Variants in SRP72 observed in about 807,000 individuals in gnomAD.
SRP72 encodes the protein signal recognition particle 72.
Under a neutral mutation model 96.3 loss-of-function variants are expected in SRP72, and 49 were observed. The ratio of observed to expected loss-of-function variants is 0.51; its 90% CI spans 0.40 to 0.65. The LOEUF (loss-of-function observed/expected upper bound fraction) is 0.65, where lower values mean the gene tolerates loss of function less well. SRP72 is among the 30% of genes least tolerant of loss of function. The pLI, the probability that SRP72 is intolerant of heterozygous loss-of-function variation, is 0.00. For synonymous variants in SRP72, 267 were observed against 275.2 expected (o/e 0.97, Z 0.30); for missense variants, 736 against 793.3 (o/e 0.93, Z 0.87).
intron 8 of SRP72, among the ~76,000 whole-genome samples, chr4:56,479,580 C>T (rs1409040411): frequency 6.8e-6 from 1 of 147,480 alleles, no homozygotes; most frequent in Non-Finnish European, 1.5e-5. Flanking sequence ...AGACATGACT[C>T]ACTATAGCCC....
In SRP72 at chr4:56,474,203, T is replaced by C. The variant is rs2110113831; in HGVS notation, c.498+6T>C. 1 of 1,614,146 alleles carries C rather than the reference T, an allele frequency of 6.2e-7. No homozygotes were observed. Among genetic ancestry groups the C allele is most frequent in the Non-Finnish European group, 8.5e-7 (1 of 1,180,024 alleles). ...ATTGGGAAAAAGTGGTTCCAGTGAGTATCCTTGTGGTGTACCCATACAGTC... is the reference window on the plus strand; with the variant it reads ...ATTGGGAAAAAGTGGTTCCAGTGAGCATCCTTGTGGTGTACCCATACAGTC... On this transcript the variant is annotated splice_donor_region_variant and intron_variant, in intron 4 of 18. Transcript: ENST00000642900.
At position 56,502,231 on chromosome 4, in the gene SRP72, A is replaced by G. The variant is rs1046473133; in HGVS notation, c.*370A>G. Reference sequence around the variant, plus strand: ...ATGATTTCAGCTGGAGTCTGAAGATACTTGTTTCTGTTCAAGTCCCACTTT... The same window carrying G: ...ATGATTTCAGCTGGAGTCTGAAGATGCTTGTTTCTGTTCAAGTCCCACTTT... On this transcript the variant is annotated 3_prime_UTR_variant, in exon 19 of 19. Transcript: ENST00000642900. 4.9e-6 allele frequency: 1 copy of G among 205,628 alleles called. No homozygotes were observed. The highest frequency in any genetic ancestry group is 2.4e-5 in the African/African-American group (1 of 42,496). The allele number at this position is 205,628 out of a possible 1,614,324, so 12.7% of individuals were successfully genotyped here. A position where few individuals can be genotyped will look rare whatever the true frequency, so the allele number is the denominator to read the frequency against.
At chr4:56,469,292 C>T (rs575630341) in intron 1 of SRP72, among the ~76,000 whole-genome samples, 1 of 152,240 alleles carries the variant, frequency 6.6e-6, no homozygotes, top group African/African-American at 2.4e-5. Flanking sequence ...GAACTTTTTC[C>T]CTGTGAAGTA....
intron 3 of SRP72, 128 bp from the exon 4 acceptor site, chr4:56,473,926 A>T: frequency 2.4e-6 from 2 of 837,166 alleles, no homozygotes; most frequent in South Asian, 4.2e-5. Flanking sequence ...TATAAAACAT[A>T]AACAGTTGAT....
At position 56,469,666 on chromosome 4, in the gene SRP72, C is replaced by T. The variant is rs766378991; in HGVS notation, c.123C>T (p.Asn41=). 7.5e-6 allele frequency: 12 copies of T among 1,604,816 alleles called. No individual in the cohort carries two copies. Among genetic ancestry groups the T allele is most frequent in the Admixed American group, 1.7e-5 (1 of 59,784 alleles). ...ATTGTTCTCTAGTACTACAGATCAACAAAGATGACGTAACTGCCCTGCATT... is the reference window on the plus strand; with the variant it reads ...ATTGTTCTCTAGTACTACAGATCAATAAAGATGACGTAACTGCCCTGCATT... The part of the protein sequence containing the change: ...LKTVNKILQI[N]KDDVTALHCK... The change falls in exon 2 of 19, where the codon AAC becomes AAT. Residue 41 remains asparagine (N), a synonymous_variant. Transcript: ENST00000642900.
intron 10 of SRP72, 103 bp downstream of exon 10, chr4:56,484,967 T>C: frequency 7.3e-7 from 1 of 1,368,594 alleles, no homozygotes. Context: ...GGAAAACTAA[T>C]CAGAAATGTA....
In SRP72 at chr4:56,469,711, C is replaced by G. The variant is rs1719889385; in HGVS notation, c.168C>G (p.Ile56Met). The G allele has an allele frequency of 6.2e-7, 1 of 1,612,568 alleles. No homozygotes were observed. The highest frequency in any genetic ancestry group is 8.5e-7 in the Non-Finnish European group (1 of 1,178,992). ...TALHCKVVCL[I>M]QNGSFKEALN... ...TGCATTGTAAAGTGGTATGCCTTATCCAGAATGGAAGTTTCAAGGAAGCTT... is the reference window on the plus strand; with the variant it reads ...TGCATTGTAAAGTGGTATGCCTTATGCAGAATGGAAGTTTCAAGGAAGCTT... The change falls in exon 2 of 19, where the codon ATC becomes ATG. Residue 56 changes from isoleucine to methionine, a missense_variant. Physicochemically the swap from Ile to Met is conservative, Grantham distance 10 (BLOSUM62 1). Around this residue, in one of 3 missense-constraint regions of SRP72, gnomAD observed 329 missense variants for 319.0 expected, o/e 1.03. Transcript: ENST00000642900.
chr4:56,481,594 TA>T (rs11426244), intron 8 of SRP72, among the ~76,000 whole-genome samples: 19 of 148,220 alleles, frequency 1.3e-4, no homozygotes, highest in African/African-American at 2.5e-4. Flanking sequence ...TATTTTCTGC[TA>T]AAAAAAAAAT....
rs762658994 is a variant in SRP72, at chr4:56,467,665, A to C, written c.30A>C (p.Ser10=). ...CGAGCGGCGGCAGCGGGGGGGTGTC[A>C]GTACCTGCGCTGTGGAGTGAAGTGA... MASGGSGGV[S]VPALWSEVNR... Residue 10 remains serine (S), a synonymous_variant, in exon 1 of 19, where the codon TCA becomes TCC. Coordinates refer to ENST00000642900, the MANE Select transcript of SRP72 (RefSeq NM_006947.4). 1.2e-5 allele frequency: 19 copies of C among 1,557,364 alleles called. No homozygotes were observed. Among genetic ancestry groups the C allele is most frequent in the Non-Finnish European group, 1.6e-5 (18 of 1,153,326 alleles).
At chr4:56,498,447 A>G (rs79703835) in intron 17 of SRP72, among the ~76,000 whole-genome samples, 11,468 of 151,428 alleles carry the variant, frequency 0.076, 501 homozygotes, top group Admixed American at 0.12. Flanking sequence ...AGAGAAAGAA[A>G]TAAAGGATAT....
At chr4:56,474,771 G>C (rs896631085) in intron 5 of SRP72, among the ~76,000 whole-genome samples, 1 of 151,974 alleles carries the variant, frequency 6.6e-6, no homozygotes, top group Non-Finnish European at 1.5e-5. Context: ...TTCACCCTCC[G>C]CCTCCCAGGT....
At chr4:56,498,381 C>T (rs1721151991) in intron 17 of SRP72, among the ~76,000 whole-genome samples, 2 of 152,172 alleles carry the variant, frequency 1.3e-5, no homozygotes, top group African/African-American at 2.4e-5. Context: ...AGGATGCCCT[C>T]TCTCACCACT....
intron 17 of SRP72, among the ~76,000 whole-genome samples, chr4:56,495,990 C>T (rs1055877937): frequency 1.3e-5 from 2 of 152,328 alleles, no homozygotes; most frequent in Admixed American, 6.5e-5. Context: ...AAGAAGCCCT[C>T]TCCAGACTTG....
At chr4:56,491,697 C>A in intron 16 of SRP72, 129 bp downstream of exon 16, 1 of 886,710 alleles carries the variant, frequency 1.1e-6, no homozygotes, top group Non-Finnish European at 1.7e-6. Flanking sequence ...ATTTCTCTCA[C>A]TGTGCCCAGC....
In SRP72 at chr4:56,474,176, C is replaced by G. The variant is rs148971788; in HGVS notation, c.477C>G (p.Ser159Arg). The G allele has an allele frequency of 1.9e-6, 3 of 1,613,756 alleles. No individual in the cohort carries two copies. The highest frequency in any genetic ancestry group is 2.5e-6 in the Non-Finnish European group (3 of 1,179,948). Residue 159 changes from serine to arginine, a missense_variant, in exon 4 of 19, where the codon AGC (serine) becomes AGG (arginine). Physicochemically the swap from Ser to Arg is moderately radical, Grantham distance 110. Around this residue, in one of 3 missense-constraint regions of SRP72, gnomAD observed 329 missense variants for 319.0 expected, o/e 1.03. Transcript: ENST00000642900. ...TTTCAGCAGTTGTTGCAGCTCAAAG[C>G]AATTGGGAAAAAGTGGTTCCAGTGA... Reference protein sequence around the residue: ...TNLSAVVAAQSNWEKVVPENL... With the variant: ...TNLSAVVAAQRNWEKVVPENL...
intron 18 of SRP72, 34 bp from the exon 19 acceptor site, chr4:56,501,650 A>T: frequency 6.2e-7 from 1 of 1,601,828 alleles, no homozygotes; most frequent in Non-Finnish European, 8.5e-7. Context: ...TTCGTTGAAT[A>T]TATGAGTGAC....
intron 9 of SRP72, among the ~76,000 whole-genome samples, chr4:56,483,697 A>G (rs983413479): frequency 1.2e-4 from 18 of 152,214 alleles, no homozygotes; most frequent in African/African-American, 4.3e-4. Flanking sequence ...AAAGAATATT[A>G]TGTGTCATAG....
chr4:56,475,561 CAA>C (rs1180420128), intron 5 of SRP72: 95 of 103,268 alleles, frequency 9.2e-4, no homozygotes, highest in African/African-American at 1.7e-3. Flanking sequence ...GACGCTGTCT[CAA>C]AAAAAAAAAA....
intron 17 of SRP72, 180 bp from the exon 18 acceptor site, chr4:56,500,356 A>AG: frequency 1.6e-6 from 1 of 619,844 alleles, no homozygotes; most frequent in Non-Finnish European, 2.7e-6. Context: ...CCCAGAACTT[A>AG]AAGTATAATA....
Sources: allele counts gnomAD v4.1 joint callset (sites outside exome capture counted in the v4.1 genomes callset), GRCh38; gene constraint gnomAD v4.1.1; regional missense constraint gnomAD v4.1.1; transcripts MANE v1.5; gene names NCBI Gene and HGNC (gene_info 2026-07-23, HGNC 2026-07-21).